The following FAM13B variants were observed in gnomAD, a reference collection of about 807,000 sequenced individuals.
The protein encoded by FAM13B is family with sequence similarity 13 member B.
FAM13B carries 60 observed loss-of-function variants against 117.3 expected under a neutral mutation model. That is an observed-to-expected ratio of 0.51 (90% CI 0.42 to 0.63). The LOEUF (loss-of-function observed/expected upper bound fraction) is 0.63, where lower values mean the gene tolerates loss of function less well. Ranked by LOEUF, FAM13B falls within the 30% of genes least tolerant of loss-of-function variation. The pLI is 0.00. For missense variants in FAM13B, 972 were observed against 1,091.9 expected, an observed-to-expected ratio of 0.89 and a Z score of 1.55; for synonymous variants, 332 against 356.1, an observed-to-expected ratio of 0.93 and a Z score of 0.76.
chr5:138,006,143 C>T (rs1010844983), intron 7 of FAM13B, among the ~76,000 whole-genome samples: 2 of 152,194 alleles, frequency 1.3e-5, no homozygotes, highest in African/African-American at 2.4e-5. Context: ...ATGATCTGCC[C>T]GTCTCGGCCT....
intron 17 of FAM13B, among the ~76,000 whole-genome samples, chr5:137,950,748 G>C (rs760027692): frequency 5.9e-5 from 9 of 152,078 alleles, no homozygotes; most frequent in Non-Finnish European, 8.8e-5. Flanking sequence ...AAAAGTGAAA[G>C]AAAATGGGAA....
intron 17 of FAM13B, among the ~76,000 whole-genome samples, chr5:137,950,111 T>C (rs1245058444): frequency 6.6e-6 from 1 of 152,208 alleles, no homozygotes; most frequent in Non-Finnish European, 1.5e-5. Flanking sequence ...TTGTGGAGCA[T>C]ATATTCAGAG....
At chr5:137,942,260 G>A (rs1479352923) in intron 22 of FAM13B, 6 of 556,216 alleles carry the variant, frequency 1.1e-5, no homozygotes, top group African/African-American at 1.9e-5. Context: ...CAGAACCAGT[G>A]ACATACACCA....
chr5:137,971,216 G>A (rs1031778533), intron 10 of FAM13B, among the ~76,000 whole-genome samples: 53 of 150,392 alleles, frequency 3.5e-4, no homozygotes, highest in African/African-American at 1.2e-3. Context: ...TGGAAGTAAA[G>A]CTCTCCTCAG....
intron 22 of FAM13B, 113 bp from the exon 23 acceptor site, chr5:137,942,158 A>T: frequency 1.3e-6 from 1 of 780,972 alleles, no homozygotes; most frequent in Non-Finnish European, 2.1e-6. Context: ...TAGGTCTACC[A>T]ATGCCTAAGC....
At chr5:137,953,514 C>T in intron 15 of FAM13B, 49 bp from the exon 16 acceptor site, 1 of 1,592,408 alleles carries the variant, frequency 6.3e-7, no homozygotes, top group Non-Finnish European at 8.6e-7. Flanking sequence ...AGTACCAACA[C>T]TGTATCTCTT....
chr5:138,050,632 C>T (rs894049032), intron 1 of FAM13B, among the ~76,000 whole-genome samples: 1 of 152,084 alleles, frequency 6.6e-6, no homozygotes, highest in African/African-American at 2.4e-5. Context: ...AAATAGAGGA[C>T]CTTGGATAGG....
At chr5:138,017,734 C>T (rs1785609590) in intron 4 of FAM13B, among the ~76,000 whole-genome samples, 1 of 152,106 alleles carries the variant, frequency 6.6e-6, no homozygotes, top group African/African-American at 2.4e-5. Context: ...ACTTTTTAGT[C>T]ACCACCAAAA....
At chr5:138,034,995 C>CTTTTTTTTGTTTTT (rs1790976694), upstream of FAM13B, among the ~76,000 whole-genome samples, 1 of 34,364 alleles carries the variant, frequency 2.9e-5, no homozygotes, top group Non-Finnish European at 4.9e-5. Flanking sequence ...ATTCCCTTGC[C>CTTTTTTTTGTTTTT]TTTTTTTTTT....
At chr5:137,976,039 G>A (rs536748170) in intron 10 of FAM13B, among the ~76,000 whole-genome samples, 32 of 147,436 alleles carry the variant, frequency 2.2e-4, no homozygotes, top group African/African-American at 4.0e-4. Context: ...GCAGTGGCGC[G>A]ATCTCCGCCT....
Position 138,018,431 on chromosome 5 carries a change from C to T in FAM13B, c.241G>A (p.Glu81Lys). ...EWLRQRYDSG[E>K]EVDLVKEADV... ...GCTTCCTTAACCAAATCCACCTCTT[C>T]TCCGCTGTCGTATCTCTGCCGAAGC... Residue 81 changes from glutamate (E) to lysine (K), a missense_variant, in exon 4 of 24, where the codon GAA becomes AAA. Transcript: ENST00000689681. 6.2e-7 allele frequency: 1 copy of T among 1,614,176 alleles called. No homozygotes were observed. The highest frequency in any genetic ancestry group is 8.5e-7 in the Non-Finnish European group (1 of 1,180,032).
chr5:137,971,816 A>C (rs900160533), intron 10 of FAM13B, among the ~76,000 whole-genome samples: 22 of 151,932 alleles, frequency 1.4e-4, no homozygotes, highest in Non-Finnish European at 3.2e-4. Flanking sequence ...AACTACCATC[A>C]GAGAATACTA....
intron 6 of FAM13B, among the ~76,000 whole-genome samples, chr5:138,008,395 T>C (rs977400789): frequency 2.6e-5 from 4 of 152,108 alleles, no homozygotes; most frequent in South Asian, 4.1e-4. Flanking sequence ...AGAGACGCGA[T>C]TGTGACACTG....
intron 20 of FAM13B, among the ~76,000 whole-genome samples, chr5:137,944,851 G>A (rs1232974460): frequency 6.6e-6 from 1 of 150,932 alleles, no homozygotes; most frequent in Non-Finnish European, 1.5e-5. Flanking sequence ...TAAATGAACA[G>A]CAAACCAAAT....
intron 10 of FAM13B, among the ~76,000 whole-genome samples, chr5:137,962,745 C>T (rs1433748936): frequency 6.6e-6 from 1 of 152,036 alleles, no homozygotes; most frequent in Non-Finnish European, 1.5e-5. Flanking sequence ...GAATTATCTC[C>T]TCCAAAATGA....
intron 1 of FAM13B, among the ~76,000 whole-genome samples, chr5:138,047,793 C>G (rs1791685264): frequency 6.6e-6 from 1 of 152,154 alleles, no homozygotes. Flanking sequence ...GAATGTGGAC[C>G]ACCTCTAGAA....
At chr5:137,996,898 T>C (rs1187580784) in intron 7 of FAM13B, among the ~76,000 whole-genome samples, 2 of 152,184 alleles carry the variant, frequency 1.3e-5, no homozygotes, top group Non-Finnish European at 2.9e-5. Context: ...CAGCCCAATT[T>C]TTCATCTTTC....
chr5:137,942,367 T>G, intron 22 of FAM13B: 1 of 272,328 alleles, frequency 3.7e-6, no homozygotes, highest in African/African-American at 2.2e-5. Context: ...ATTTTATTTG[T>G]TTGTTTCCTT....
In FAM13B at chr5:138,007,133, A is replaced by G. The variant is rs1369786606; in HGVS notation, c.705T>C (p.Ser235=). 3.1e-6 allele frequency: 5 copies of G among 1,608,862 alleles called. No individual in the cohort carries two copies. Among genetic ancestry groups the G allele is most frequent in the African/African-American group, 1.3e-5 (1 of 74,748 alleles). ...GCTTTTCATCTTCCTCTTCTTCCTCAGAAAGTTCATTAACCTATATAAATA... is the reference window on the plus strand; with the variant it reads ...GCTTTTCATCTTCCTCTTCTTCCTCGGAAAGTTCATTAACCTATATAAATA... ...SSITEQVNEL[S]EEEEEDEKLE... is the part of the protein sequence containing the mutation. The change falls in exon 7 of 24, where the codon TCT becomes TCC. Residue 235 remains serine (S), a synonymous_variant. Coordinates refer to ENST00000689681, the MANE Select transcript of FAM13B (RefSeq NM_001385994.1).
Sources: gnomAD v4.1 joint callset for allele counts (sites outside exome capture counted in the v4.1 genomes callset) on GRCh38, gnomAD v4.1.1 for gene constraint, MANE v1.5 for transcripts, NCBI Gene and HGNC (gene_info 2026-07-23, HGNC 2026-07-21) for gene names.